Variants in AFDN observed in about 807,000 individuals in gnomAD.
The protein encoded by AFDN is afadin, adherens junction formation factor.
A neutral mutation model predicts 216.6 loss-of-function variants in AFDN; 68 were observed. The ratio of observed to expected loss-of-function variants is 0.31; its 90% CI spans 0.26 to 0.38. The LOEUF is 0.38. Ranked by LOEUF, AFDN falls within the 10% of genes least tolerant of loss-of-function variation. The pLI, the probability that AFDN is intolerant of heterozygous loss-of-function variation, is 1.00. For missense variants in AFDN, 2,136 were observed against 2,342.0 expected, an observed-to-expected ratio of 0.91 and a Z score of 1.82; for synonymous variants, 868 against 853.7, an observed-to-expected ratio of 1.02 and a Z score of -0.29.
intron 18 of AFDN, 45 bp downstream of exon 18, chr6:167,914,783 C>T (rs763526588): frequency 1.5e-6 from 2 of 1,340,128 alleles, no homozygotes; most frequent in African/African-American, 1.4e-5. Flanking sequence ...GCTTCCTTCA[C>T]GTTTAGCATC....
At chr6:167,838,953 C>T (rs1022421944) in intron 1 of AFDN, among the ~76,000 whole-genome samples, 10 of 152,154 alleles carry the variant, frequency 6.6e-5, no homozygotes, top group African/African-American at 2.4e-4. Context: ...ATTGCTCACC[C>T]ATTATATTTT....
rs117367863 is a variant in AFDN, at chr6:167,943,325, T to C, written c.3166-77T>C. On this transcript the variant is annotated intron_variant, in intron 24 of 33. Coordinates refer to ENST00000683244, the MANE Select transcript of AFDN (RefSeq NM_001386888.1). ...TTGGAAGAACAAATAGAGTATCTAC[T>C]CATCATTACCTTTTCTTCCTCCCGC... is the stretch of plus-strand genomic sequence containing the variant. The C allele has an allele frequency of 1.9e-5, 27 of 1,449,674 alleles. No homozygotes were observed. In the East Asian group the frequency reaches 5.7e-4, roughly 31 times the overall value. 89.8% of individuals were successfully genotyped at this position (1,449,674 alleles called of 1,614,324 possible).
At chr6:167,896,857 G>C in intron 9 of AFDN, 21 bp from the exon 10 acceptor site, 1 of 1,511,808 alleles carries the variant, frequency 6.6e-7, no homozygotes, top group Admixed American at 1.7e-5. Flanking sequence ...AAATAGAGCT[G>C]TCTTCCTTCT....
At chr6:167,898,769 G>A (rs1411388915) in intron 11 of AFDN, among the ~76,000 whole-genome samples, 1 of 152,096 alleles carries the variant, frequency 6.6e-6, no homozygotes, top group African/African-American at 2.4e-5. Context: ...GGTGTTCTTT[G>A]TAATTATTCA....
At chr6:167,923,851 C>T (rs1189250092) in intron 22 of AFDN, among the ~76,000 whole-genome samples, 1 of 151,950 alleles carries the variant, frequency 6.6e-6, no homozygotes, top group East Asian at 1.9e-4. Flanking sequence ...TCTCGAACTC[C>T]TGACCTCAAA....
Position 167,951,858 on chromosome 6 carries a change from T to C in AFDN, c.4504T>C (p.Leu1502=), listed in dbSNP as rs770738018. The C allele has an allele frequency of 6.2e-7, 1 of 1,614,110 alleles. No homozygotes were observed. The highest frequency in any genetic ancestry group is 8.5e-7 in the Non-Finnish European group (1 of 1,180,006). The change falls in exon 30 of 34, where the codon TTG becomes CTG. Residue 1502 remains leucine, a synonymous_variant. Coordinates refer to ENST00000683244, the MANE Select transcript of AFDN (RefSeq NM_001386888.1). This position sits in a 1 kb window ranked among gnomAD's most constrained non-coding sequence, Gnocchi z 7.1. ...GCCCCGCACGATCGAGCGCAGAGAC[T>C]TGCAGTACATTACAGTCAGCAAAGA... ...QQPRTIERRD[L]QYITVSKEEL...
At chr6:167,963,221 A>G (rs1012605375) in intron 31 of AFDN, 13 of 1,065,130 alleles carry the variant, frequency 1.2e-5, no homozygotes, top group Admixed American at 5.3e-5. Context: ...GTTTCTCTCC[A>G]TATCTCCCTT....
At chr6:167,938,991 A>AT (rs1794351751) in intron 23 of AFDN, among the ~76,000 whole-genome samples, 1 of 152,120 alleles carries the variant, frequency 6.6e-6, no homozygotes, top group African/African-American at 2.4e-5. Context: ...CTATTTTATG[A>AT]TTTTAAAAAG....
intron 31 of AFDN, 42 bp from the exon 32 acceptor site, chr6:167,965,715 C>T: frequency 6.8e-7 from 1 of 1,481,022 alleles, no homozygotes; most frequent in Non-Finnish European, 9.0e-7. Context: ...CTGTTCCCTT[C>T]TCACCTCTGA....
chr6:167,857,782 G>T (rs920678320), intron 1 of AFDN, among the ~76,000 whole-genome samples: 1 of 152,074 alleles, frequency 6.6e-6, no homozygotes, highest in African/African-American at 2.4e-5. Flanking sequence ...AGGTTTTACA[G>T]ATATTTTAGT....
rs1328844787 is a variant in AFDN at position 167,838,620 on chromosome 6, A to G, written c.105+11383A>G. On this transcript the variant is annotated intron_variant, in intron 1 of 33. Transcript: ENST00000683244. Reference sequence around the variant, plus strand: ...TATTACCAACAGTTCCTCAACATCTACTGAACAAATACTTGCATTTCCAAA... The same window carrying G: ...TATTACCAACAGTTCCTCAACATCTGCTGAACAAATACTTGCATTTCCAAA... 2.6e-5 allele frequency among the ~76,000 whole-genome samples: 4 copies of G among 152,172 alleles called. No homozygotes were observed. The East Asian group carries it at 5.8e-4, about 22-fold the overall frequency.
intron 1 of AFDN, among the ~76,000 whole-genome samples, chr6:167,828,754 T>C (rs1384539204): frequency 6.7e-6 from 1 of 148,692 alleles, no homozygotes; most frequent in African/African-American, 2.5e-5. Flanking sequence ...GTGTGTAGCT[T>C]TTTTTTTTTG....
intron 25 of AFDN, among the ~76,000 whole-genome samples, 194 bp downstream of exon 25, chr6:167,943,669 CTT>C (rs1794952135): frequency 6.6e-6 from 1 of 152,084 alleles, no homozygotes; most frequent in Admixed American, 6.5e-5. Context: ...TTCTTTGAAA[CTT>C]GAAAGAAACA....
chr6:167,955,564 TG>T (rs1796418013), intron 30 of AFDN, among the ~76,000 whole-genome samples: 1 of 152,160 alleles, frequency 6.6e-6, no homozygotes, highest in Non-Finnish European at 1.5e-5. Context: ...CATGACACGG[TG>T]GGCACTGACC....
At chr6:167,933,062 C>T (rs924834225) in intron 23 of AFDN, among the ~76,000 whole-genome samples, 1 of 152,272 alleles carries the variant, frequency 6.6e-6, no homozygotes, top group Admixed American at 6.5e-5. Context: ...ATGATAACTG[C>T]CGCTATGTAA....
chr6:167,970,322 T>C lies in AFDN; in HGVS notation c.*387T>C. ...GGAGCACAAAGAAGTTCTGTTTCTG[T>C]TTTTTTCAGAAACTTTATTTTAGCT... On this transcript the variant is annotated 3_prime_UTR_variant, in exon 34 of 34. Coordinates refer to ENST00000683244, the MANE Select transcript of AFDN (RefSeq NM_001386888.1). 3 of 257,724 alleles carry C rather than the reference T, an allele frequency of 1.2e-5. No individual in the cohort carries two copies. The highest frequency in any genetic ancestry group is 2.2e-5 in the Non-Finnish European group (3 of 136,414). The allele number at this position is 257,724 out of a possible 1,614,324, so 16.0% of individuals were successfully genotyped here.
chr6:167,961,449 T>C (rs528195443), intron 30 of AFDN, among the ~76,000 whole-genome samples: 1 of 152,328 alleles, frequency 6.6e-6, no homozygotes, highest in South Asian at 2.1e-4. Context: ...TGGTTGTTAA[T>C]CCAGGGTTCC....
At chr6:167,860,133 T>TTAGGTA (rs1349627622) in intron 1 of AFDN, among the ~76,000 whole-genome samples, 1 of 151,416 alleles carries the variant, frequency 6.6e-6, no homozygotes, top group African/African-American at 2.4e-5. Flanking sequence ...AGCTCTTCAT[T>TTAGGTA]TAGGTATTAA....
At chr6:167,831,626 A>G (rs1779841553) in intron 1 of AFDN, among the ~76,000 whole-genome samples, 1 of 152,196 alleles carries the variant, frequency 6.6e-6, no homozygotes, top group South Asian at 2.1e-4. Flanking sequence ...GACTTTTATA[A>G]CACTATCAAA....
Sources: allele counts gnomAD v4.1 joint callset (sites outside exome capture counted in the v4.1 genomes callset), GRCh38; gene constraint gnomAD v4.1.1; non-coding constraint Gnocchi (gnomAD v3.1); transcripts MANE v1.5; gene names NCBI Gene and HGNC (gene_info 2026-07-23, HGNC 2026-07-21).